The following NSUN6 variants were observed in gnomAD, a reference collection of about 807,000 sequenced individuals.
NSUN6 encodes the protein NOP2/Sun RNA methyltransferase 6.
NSUN6 carries 64 observed loss-of-function variants against 58.0 expected under a neutral mutation model. That is an observed-to-expected ratio of 1.10 (90% CI 0.90 to 1.36). The LOEUF (loss-of-function observed/expected upper bound fraction) is 1.36. NSUN6 is among the 40% of genes most tolerant of loss of function. The pLI is 0.00. For missense variants in NSUN6, 701 were observed against 550.1 expected (o/e 1.27, Z -2.74); for synonymous variants, 231 against 193.9 (o/e 1.19, Z -1.59).
At chr10:18,652,775 G>A (rs766514859), upstream of NSUN6, 5 of 477,822 alleles carry the variant, frequency 1.0e-5, no homozygotes, top group Non-Finnish European at 1.4e-5. Context: ...GGCCAGGCTG[G>A]TCTCAAACTC....
At chr10:18,610,655 AG>A (rs1283925459) in intron 5 of NSUN6, among the ~76,000 whole-genome samples, 1 of 152,192 alleles carries the variant, frequency 6.6e-6, no homozygotes. Context: ...TGATCAGAGC[AG>A]GAAGGGCCAG....
intron 3 of NSUN6, among the ~76,000 whole-genome samples, chr10:18,630,725 T>G (rs949494801): frequency 3.3e-5 from 5 of 152,172 alleles, no homozygotes; most frequent in Admixed American, 6.5e-5. Context: ...AATCTCTGAA[T>G]AGACCAATAA....
chr10:18,561,623 A>G (rs2055516246), intron 8 of NSUN6, among the ~76,000 whole-genome samples: 1 of 142,472 alleles, frequency 7.0e-6, no homozygotes, highest in Non-Finnish European at 1.5e-5. Flanking sequence ...TGGTGAACAG[A>G]ATGGAATGGA....
At chr10:18,657,877 G>C (rs907555777), upstream of NSUN6, among the ~76,000 whole-genome samples, 1 of 151,940 alleles carries the variant, frequency 6.6e-6, no homozygotes, top group Admixed American at 6.6e-5. Flanking sequence ...CTCCCAAAGT[G>C]CTGGGATTAC....
chr10:18,585,086 G>A (rs549311727), intron 8 of NSUN6, among the ~76,000 whole-genome samples: 3 of 150,766 alleles, frequency 2.0e-5, no homozygotes, highest in Non-Finnish European at 4.4e-5. Context: ...TAATCATCAG[G>A]AAAATGCAAA....
chr10:18,614,000 A>C (rs544327852), intron 5 of NSUN6, among the ~76,000 whole-genome samples: 2 of 152,296 alleles, frequency 1.3e-5, no homozygotes, highest in South Asian at 4.1e-4. Context: ...GAACAAACCT[A>C]AACATTCATT....
chr10:18,652,083 C>T (rs973316417), upstream of NSUN6: 2 of 985,254 alleles, frequency 2.0e-6, no homozygotes, highest in African/African-American at 3.5e-5. Flanking sequence ...GAAAGTTGGG[C>T]TAATGGTCTG....
At chr10:18,621,725 T>TA (rs2058613779) in intron 3 of NSUN6, among the ~76,000 whole-genome samples, 1 of 152,134 alleles carries the variant, frequency 6.6e-6, no homozygotes, top group Non-Finnish European at 1.5e-5. Context: ...TTAGAATAGC[T>TA]AAAAAATGAA....
intron 7 of NSUN6, among the ~76,000 whole-genome samples, chr10:18,592,404 T>C (rs1346156461): frequency 1.3e-5 from 2 of 152,142 alleles, no homozygotes; most frequent in Non-Finnish European, 2.9e-5. Flanking sequence ...AAAGGGCAAG[T>C]ATAGCCAAGC....
chr10:18,657,997 A>G (rs1417302549), upstream of NSUN6, among the ~76,000 whole-genome samples: 2 of 145,034 alleles, frequency 1.4e-5, no homozygotes. Flanking sequence ...AAAAAAAAAA[A>G]GCAGAATGTG....
rs1334266778 is a variant in NSUN6, at chr10:18,631,053, C to T, written c.311+11423G>A. On this transcript the variant is annotated intron_variant, in intron 3 of 10. Transcript: ENST00000377304. Reference sequence around the variant, plus strand: ...AGCAGCACATCAAAAAGCTTATCCACCATGATCAAGTGGGCTTCATCCCTG... The same window carrying T: ...AGCAGCACATCAAAAAGCTTATCCATCATGATCAAGTGGGCTTCATCCCTG... Among the ~76,000 whole-genome samples the T allele has an allele frequency of 3.3e-5, 5 of 152,038 alleles. No individual in the cohort carries two copies. The East Asian group carries it at 5.8e-4, about 18-fold the overall frequency.
At chr10:18,571,465 A>G (rs577786777) in intron 8 of NSUN6, among the ~76,000 whole-genome samples, 26 of 117,940 alleles carry the variant, frequency 2.2e-4, no homozygotes, top group African/African-American at 7.2e-4. Flanking sequence ...TTCCATTCCA[A>G]TCCATTCTCC....
At chr10:18,656,815 CCTTTT>C, upstream of NSUN6, among the ~76,000 whole-genome samples, 3 of 123,320 alleles carry the variant, frequency 2.4e-5, no homozygotes, top group Non-Finnish European at 3.3e-5. Flanking sequence ...TAGTTACAAT[CCTTTT>C]TTTTTTTTTT....
At chr10:18,597,351 G>A (rs2057630274) in intron 6 of NSUN6, among the ~76,000 whole-genome samples, 1 of 152,188 alleles carries the variant, frequency 6.6e-6, no homozygotes, top group South Asian at 2.1e-4. Context: ...TGGAGACAGA[G>A]TCTCATTATT....
chr10:18,592,652 C>G (rs1038633488), intron 7 of NSUN6, among the ~76,000 whole-genome samples: 1 of 152,154 alleles, frequency 6.6e-6, no homozygotes, highest in Non-Finnish European at 1.5e-5. Context: ...GCTGGGAAAA[C>G]TGGCTGTCCA....
intron 3 of NSUN6, among the ~76,000 whole-genome samples, chr10:18,640,687 TTG>T (rs1481470689): frequency 2.0e-5 from 3 of 152,158 alleles, no homozygotes; most frequent in Non-Finnish European, 4.4e-5. Context: ...GGCTGCACAG[TTG>T]TACATATTTG....
At chr10:18,644,696 C>T (rs1310926810) in intron 2 of NSUN6, among the ~76,000 whole-genome samples, 2 of 151,366 alleles carry the variant, frequency 1.3e-5, no homozygotes, top group Non-Finnish European at 2.9e-5. Context: ...AAAAATTAGC[C>T]GGGTGTGGTG....
At chr10:18,557,333 G>A (rs541661473) in intron 8 of NSUN6, among the ~76,000 whole-genome samples, 44 of 151,374 alleles carry the variant, frequency 2.9e-4, no homozygotes, top group African/African-American at 9.0e-4. Flanking sequence ...GAATGCAGTG[G>A]TGAACAGAAT....
At chr10:18,634,190 C>A (rs1418352630) in intron 3 of NSUN6, among the ~76,000 whole-genome samples, 2 of 152,056 alleles carry the variant, frequency 1.3e-5, no homozygotes, top group African/African-American at 4.8e-5. Context: ...ATTTCAAGTA[C>A]CTCTGTATTT....
Sources: allele counts gnomAD v4.1 joint callset (sites outside exome capture counted in the v4.1 genomes callset), GRCh38; gene constraint gnomAD v4.1.1; transcripts MANE v1.5; gene names NCBI Gene and HGNC (gene_info 2026-07-23, HGNC 2026-07-21).